Variants in FAM184A observed in about 807,000 individuals in gnomAD.
FAM184A encodes family with sequence similarity 184 member A.
In FAM184A, 99 loss-of-function variants were observed where a neutral mutation model predicts 143.8. That is an observed-to-expected ratio of 0.69 (90% CI 0.58 to 0.81). FAM184A has a LOEUF of 0.81. Among genes scored for constraint, FAM184A ranks in the 40% least tolerant of loss-of-function variants. The pLI is 0.00. For synonymous variants in FAM184A, 427 were observed against 446.4 expected (o/e 0.96, Z 0.55); for missense variants, 1,217 against 1,310.5 (o/e 0.93, Z 1.10).
rs553055093 is a variant in FAM184A at position 118,976,232 on chromosome 6, G to GT, written c.2456-189dup. 1.6e-4 allele frequency among the ~76,000 whole-genome samples: 25 copies of GT among 152,254 alleles called. No homozygotes were observed. In the East Asian group the frequency reaches 4.8e-3, roughly 29 times the overall value. ...TACAATATACTATCATGAATTTAAA[G>GT]TTAATGTAGCTTTGATGAGGATATA... On this transcript the variant is annotated intron_variant, in intron 11 of 17. Coordinates refer to ENST00000338891, the MANE Select transcript of FAM184A (RefSeq NM_024581.6).
At chr6:118,970,956 AT>A (rs1783678733) in intron 14 of FAM184A, among the ~76,000 whole-genome samples, 1 of 152,332 alleles carries the variant, frequency 6.6e-6, no homozygotes, top group Non-Finnish European at 1.5e-5. Context: ...GGATAAAAAA[AT>A]AAAATCAGTG....
chr6:119,094,486 A>G (rs1788454768), intron 1 of FAM184A, among the ~76,000 whole-genome samples: 1 of 152,128 alleles, frequency 6.6e-6, no homozygotes, highest in Non-Finnish European at 1.5e-5. Flanking sequence ...CCTGTCCACC[A>G]CGGGTGAGAG....
At chr6:118,999,987 A>T (rs974115879) in intron 9 of FAM184A, among the ~76,000 whole-genome samples, 18 of 152,200 alleles carry the variant, frequency 1.2e-4, no homozygotes, top group African/African-American at 4.1e-4. Flanking sequence ...AAGTATAAAC[A>T]TTGTGTCAGA....
chr6:119,128,410 C>A (rs771471695), intron 1 of FAM184A, among the ~76,000 whole-genome samples: 3 of 152,084 alleles, frequency 2.0e-5, no homozygotes, highest in Non-Finnish European at 4.4e-5. Context: ...TGGGTAATTG[C>A]CTATCTGGAA....
intron 5 of FAM184A, 52 bp from the exon 6 acceptor site, chr6:119,011,483 T>C (rs760067786): frequency 6.3e-6 from 7 of 1,107,836 alleles, no homozygotes; most frequent in Non-Finnish European, 9.0e-6. Flanking sequence ...TATTATATAC[T>C]TTGAAGACTC....
intron 1 of FAM184A, among the ~76,000 whole-genome samples, chr6:119,038,736 G>A (rs1228569085): frequency 1.3e-5 from 2 of 151,960 alleles, no homozygotes; most frequent in Non-Finnish European, 2.9e-5. Flanking sequence ...ACTTGTTTTC[G>A]CTTTGCACTA....
chr6:118,975,061 T>C lies in FAM184A; in HGVS notation c.2731A>G (p.Ile911Val). Residue 911 changes from isoleucine (I) to valine (V), a missense_variant, in exon 13 of 18, where the codon ATT (isoleucine) becomes GTT (valine). By Grantham distance (29) the Ile-to-Val change is conservative. Coordinates refer to ENST00000338891, the MANE Select transcript of FAM184A (RefSeq NM_024581.6). ...TTAGATTCACTTCGTATTCTGAGAA[T>C]TTCTTTCCCCTTAAATTCCAGTTCT... is the stretch of plus-strand genomic sequence containing the variant. The part of the protein sequence containing the change: ...TKELEFKGKE[I>V]LRIRSESNQQ... 1 of 1,613,478 alleles carries C rather than the reference T, an allele frequency of 6.2e-7. No individual in the cohort carries two copies. Among genetic ancestry groups the C allele is most frequent in the African/African-American group, 1.3e-5 (1 of 75,042 alleles).
rs1785392983 is a variant in FAM184A at position 119,020,129 on chromosome 6, A to G, written c.1181T>C (p.Met394Thr). ...ATCTTTAATTGTAACTTCCTGGGTCATTTGAGTTGCTTGAAGCATTCCAAT... is the reference window on the plus strand; with the variant it reads ...ATCTTTAATTGTAACTTCCTGGGTCGTTTGAGTTGCTTGAAGCATTCCAAT... The part of the protein sequence containing the change: ...SHIGMLQATQ[M>T]TQEVTIKDLE... The change falls in exon 4 of 18, where the codon ATG becomes ACG. Residue 394 changes from methionine (M) to threonine (T), a missense_variant. By Grantham distance (81) the Met-to-Thr change is moderately conservative (BLOSUM62 -1). Transcript: ENST00000338891. 1.3e-6 allele frequency: 2 copies of G among 1,598,774 alleles called. No individual in the cohort carries two copies. Among genetic ancestry groups the G allele is most frequent in the South Asian group, 1.1e-5 (1 of 87,166 alleles).
chr6:119,120,243 T>C (rs1789176369), intron 1 of FAM184A, among the ~76,000 whole-genome samples: 1 of 152,234 alleles, frequency 6.6e-6, no homozygotes, highest in African/African-American at 2.4e-5. Context: ...GTGGTGGACA[T>C]TTGATAGAAG....
chr6:118,966,805 C>T, intron 15 of FAM184A, 30 bp downstream of exon 15: 1 of 1,075,992 alleles, frequency 9.3e-7, no homozygotes, highest in Non-Finnish European at 1.4e-6. Context: ...TGATTACTAA[C>T]ATGGTTAGAC....
At chr6:119,062,273 A>C (rs1582571873) in intron 1 of FAM184A, among the ~76,000 whole-genome samples, 2 of 152,258 alleles carry the variant, frequency 1.3e-5, no homozygotes, top group East Asian at 3.8e-4. Context: ...ATAGTGCTTA[A>C]CACAATAACG....
In FAM184A at chr6:118,978,593, G is replaced by A. The variant is rs374584475; in HGVS notation, c.2455+772C>T. ...AAAGGAGGAAGAGGAGAGCTTTAAC[G>A]ACTTGGTCTGGGACTCCCAGCAACA... On this transcript the variant is annotated intron_variant, in intron 11 of 17. Transcript: ENST00000338891. Among the ~76,000 whole-genome samples the A allele has an allele frequency of 1.2e-4, 19 of 152,272 alleles. No individual in the cohort carries two copies. The East Asian group carries it at 2.3e-3, about 19-fold the overall frequency.
intron 1 of FAM184A, among the ~76,000 whole-genome samples, chr6:119,030,841 T>C (rs1254047578): frequency 6.6e-6 from 1 of 151,778 alleles, no homozygotes; most frequent in Non-Finnish European, 1.5e-5. Flanking sequence ...ATTTGCACTT[T>C]TTATGGAACT....
chr6:119,028,252 C>T (rs923768379), intron 1 of FAM184A, among the ~76,000 whole-genome samples: 1 of 152,200 alleles, frequency 6.6e-6, no homozygotes, highest in Non-Finnish European at 1.5e-5. Context: ...TTCACTGTGC[C>T]AGTTGAGCAG....
chr6:119,006,858 A>G (rs532179816), intron 6 of FAM184A, among the ~76,000 whole-genome samples: 14 of 152,316 alleles, frequency 9.2e-5, no homozygotes, highest in Admixed American at 9.1e-4. Context: ...TTGTTTAACA[A>G]AGAGAATTCC....
intron 1 of FAM184A, among the ~76,000 whole-genome samples, chr6:119,097,651 T>C (rs923907213): frequency 5.3e-5 from 8 of 152,176 alleles, no homozygotes; most frequent in Non-Finnish European, 1.0e-4. Context: ...TTTGTCCTTT[T>C]GTCTTTGGTT....
At chr6:119,017,662 T>C (rs569825417) in intron 4 of FAM184A, among the ~76,000 whole-genome samples, 27 of 152,256 alleles carry the variant, frequency 1.8e-4, no homozygotes, top group African/African-American at 6.0e-4. Flanking sequence ...ACAAAGACTA[T>C]GGCAATATAG....
chr6:119,023,178 T>C lies in FAM184A; in HGVS notation c.1015-98A>G, dbSNP rs973909613. On this transcript the variant is annotated intron_variant, in intron 2 of 17. Transcript: ENST00000338891. ...GGGTCAGCTTTCTCTTATTCAGAAG[T>C]CATACTAAACTATATACCAATTTTT... is the stretch of plus-strand genomic sequence containing the variant. 20 of 1,321,134 alleles carry C rather than the reference T, an allele frequency of 1.5e-5. No individual in the cohort carries two copies. In the African/African-American group the frequency reaches 3.0e-4, roughly 20 times the overall value. The allele number at this position is 1,321,134 out of a possible 1,614,324, so 81.8% of individuals were successfully genotyped here.
At chr6:119,131,661 A>AT (rs1036298827) in intron 1 of FAM184A, among the ~76,000 whole-genome samples, 3 of 151,478 alleles carry the variant, frequency 2.0e-5, no homozygotes, top group Non-Finnish European at 3.0e-5. Flanking sequence ...AATTTAAAAA[A>AT]TTTTTTTTTT....
Sources: allele counts gnomAD v4.1 joint callset (sites outside exome capture counted in the v4.1 genomes callset), GRCh38; gene constraint gnomAD v4.1.1; transcripts MANE v1.5; gene names NCBI Gene and HGNC (gene_info 2026-07-23, HGNC 2026-07-21).